Variants in PDE1A observed in about 807,000 individuals in gnomAD.
PDE1A encodes the protein phosphodiesterase 1A.
In PDE1A, 35 loss-of-function variants were observed where a neutral mutation model predicts 61.7. The observed-to-expected ratio is 0.57, with a 90% confidence interval of 0.43 to 0.75. The LOEUF (loss-of-function observed/expected upper bound fraction) is 0.75, where lower values mean the gene tolerates loss of function less well. PDE1A is among the 30% of genes least tolerant of loss of function. The pLI is 0.00. For missense variants in PDE1A, 597 were observed against 630.6 expected (o/e 0.95, Z 0.57); for synonymous variants, 232 against 213.2 (o/e 1.09, Z -0.77).
the PDE1A span, among the ~76,000 whole-genome samples, chr2:182,607,368 A>C: frequency 6.6e-6 from 1 of 152,246 alleles, no homozygotes; most frequent in East Asian, 1.9e-4. Flanking sequence ...GGAAAGCCAA[A>C]GTATGCCTGG....
chr2:182,375,938 G>A (rs566845454), intron 1 of PDE1A, among the ~76,000 whole-genome samples: 7 of 152,320 alleles, frequency 4.6e-5, no homozygotes, highest in African/African-American at 1.7e-4. Context: ...CAAGCTCTAC[G>A]TTTGCCCCTT....
At chr2:182,211,017 A>G (rs1687545453) in intron 7 of PDE1A, among the ~76,000 whole-genome samples, 1 of 152,312 alleles carries the variant, frequency 6.6e-6, no homozygotes, top group South Asian at 2.1e-4. Context: ...AGCATCACAT[A>G]GTAGAAAGGC....
intron 2 of PDE1A, among the ~76,000 whole-genome samples, chr2:182,241,616 G>T (rs1690517366): frequency 6.6e-6 from 1 of 152,148 alleles, no homozygotes; most frequent in African/African-American, 2.4e-5. Context: ...ATATGCTGCT[G>T]TTTCCTATAA....
chr2:182,148,679 T>C (rs562758950), intron 13 of PDE1A, among the ~76,000 whole-genome samples: 83 of 150,594 alleles, frequency 5.5e-4, no homozygotes, highest in African/African-American at 1.9e-3. Context: ...TTTCCATGAA[T>C]GACTGGAAGA....
At chr2:182,246,410 T>C (rs1463601374) in intron 2 of PDE1A, among the ~76,000 whole-genome samples, 6 of 143,620 alleles carry the variant, frequency 4.2e-5, no homozygotes, top group East Asian at 2.0e-4. Context: ...TCTTTCTTTT[T>C]TTTTTTTTTT....
At chr2:182,716,455 G>C in the PDE1A span, 3 of 152,612 alleles carry the variant, frequency 2.0e-5, no homozygotes, top group African/African-American at 7.2e-5. Context: ...TGGGGGAGTA[G>C]CTACAGGAAG....
chr2:182,429,895 G>A (rs184223378), upstream of PDE1A, among the ~76,000 whole-genome samples: 275 of 152,236 alleles, frequency 1.8e-3, no homozygotes, highest in Non-Finnish European at 3.2e-3. Context: ...AAAATGCATG[G>A]GTCTGCAGGT....
the PDE1A span, among the ~76,000 whole-genome samples, chr2:182,660,910 T>C: frequency 6.6e-6 from 1 of 152,168 alleles, no homozygotes; most frequent in Admixed American, 6.5e-5. Context: ...GATAATAAAT[T>C]AGCAGTGTTA....
the PDE1A span, among the ~76,000 whole-genome samples, chr2:182,561,698 T>G: frequency 0.021 from 3,141 of 152,194 alleles, 81 homozygotes; most frequent in East Asian, 0.12. Flanking sequence ...GCATGGAATG[T>G]TCTTCCATTT....
chr2:182,613,571 A>G, the PDE1A span, among the ~76,000 whole-genome samples: 1 of 152,158 alleles, frequency 6.6e-6, no homozygotes, highest in South Asian at 2.1e-4. Context: ...TCAAAAAAAA[A>G]AAAAAAATCA....
chr2:182,189,926 T>C (rs900163244), intron 10 of PDE1A, among the ~76,000 whole-genome samples: 2 of 152,248 alleles, frequency 1.3e-5, no homozygotes, highest in Non-Finnish European at 2.9e-5. Flanking sequence ...TTTTAGGTTC[T>C]ATTTTCTCCT....
intron 1 of PDE1A, among the ~76,000 whole-genome samples, chr2:182,336,776 TAA>T (rs575386013): frequency 0.032 from 743 of 23,326 alleles, 4 homozygotes; most frequent in Middle Eastern, 0.17. Context: ...TATATATATA[TAA>T]GTCCCTATGA....
chr2:182,252,512 AAAGTTTCCAGAG>A (rs1691473579), intron 2 of PDE1A, among the ~76,000 whole-genome samples: 1 of 13,022 alleles, frequency 7.7e-5, no homozygotes, highest in Admixed American at 7.3e-4. Flanking sequence ...AAGTCAGAGT[AAAGTTTCCAGAG>A]TAAAGTTTCC....
chr2:182,364,490 A>AAAC (rs1553602133), intron 1 of PDE1A, among the ~76,000 whole-genome samples: 2 of 144,000 alleles, frequency 1.4e-5, no homozygotes, highest in African/African-American at 5.0e-5. Context: ...AAAAAAAAAA[A>AAAC]AAAAAAAAAC....
intron 1 of PDE1A, among the ~76,000 whole-genome samples, chr2:182,402,070 A>T (rs1702031868): frequency 1.3e-5 from 2 of 152,196 alleles, no homozygotes; most frequent in Admixed American, 6.5e-5. Flanking sequence ...AATAGAAAGA[A>T]TCAATATTGT....
At chr2:182,510,285 T>C (rs1461429312) in intron 2 of PDE1A, among the ~76,000 whole-genome samples, 1 of 152,202 alleles carries the variant, frequency 6.6e-6, no homozygotes, top group African/African-American at 2.4e-5. Flanking sequence ...TGTTATGCCT[T>C]CCTTAACTAT....
At chr2:182,452,251 G>T (rs1433006402) in intron 2 of PDE1A, among the ~76,000 whole-genome samples, 1 of 152,064 alleles carries the variant, frequency 6.6e-6, no homozygotes. Context: ...GGTGTCTAAG[G>T]TTAAGAGTGA....
At chr2:182,556,531 G>C in the PDE1A span, among the ~76,000 whole-genome samples, 3 of 152,074 alleles carry the variant, frequency 2.0e-5, no homozygotes, top group Non-Finnish European at 4.4e-5. Context: ...CAAACAATCA[G>C]AAAACAAGGA....
intron 13 of PDE1A, among the ~76,000 whole-genome samples, chr2:182,175,165 T>A (rs1692623560): frequency 6.6e-6 from 1 of 152,184 alleles, no homozygotes; most frequent in African/African-American, 2.4e-5. Flanking sequence ...TTGGGTTGGT[T>A]CCAAGTCTTT....
Sources: allele counts gnomAD v4.1 joint callset (sites outside exome capture counted in the v4.1 genomes callset), GRCh38; gene constraint gnomAD v4.1.1; transcripts MANE v1.5; gene names NCBI Gene and HGNC (gene_info 2026-07-23, HGNC 2026-07-21).